Variants in FGD4 observed in about 807,000 individuals in gnomAD.
FGD4 encodes FYVE, RhoGEF and PH domain containing 4.
A neutral mutation model predicts 102.0 loss-of-function variants in FGD4; 42 were observed. That is an observed-to-expected ratio of 0.41 (90% confidence interval 0.32 to 0.53). The LOEUF (loss-of-function observed/expected upper bound fraction) is 0.53, where lower values mean the gene tolerates loss of function less well. FGD4 is among the 20% of genes least tolerant of loss of function. FGD4 has a pLI of 0.21. For synonymous variants in FGD4, 380 were observed against 375.7 expected (o/e 1.01, Z -0.13); for missense variants, 902 against 1,078.2 (o/e 0.84, Z 2.29).
At chr12:32,548,184 G>A (rs1043726673) in intron 1 of FGD4, among the ~76,000 whole-genome samples, 16 of 152,192 alleles carry the variant, frequency 1.1e-4, no homozygotes, top group Admixed American at 4.6e-4. Flanking sequence ...TTTTGAAAAC[G>A]ATTTTTTCCA....
chr12:32,615,899 A>T (rs1417333179), intron 10 of FGD4, among the ~76,000 whole-genome samples: 1 of 152,074 alleles, frequency 6.6e-6, no homozygotes, highest in Non-Finnish European at 1.5e-5. Flanking sequence ...TGTTTAATAC[A>T]GGGGGTGACT....
chr12:32,584,991 T>G (rs983042413), intron 4 of FGD4, among the ~76,000 whole-genome samples: 1 of 151,362 alleles, frequency 6.6e-6, no homozygotes, highest in East Asian at 2.0e-4. Flanking sequence ...AAGGCCGAGG[T>G]GGGTGGATTG....
At chr12:32,514,288 A>G (rs896685426) in intron 1 of FGD4, among the ~76,000 whole-genome samples, 4 of 152,210 alleles carry the variant, frequency 2.6e-5, no homozygotes, top group African/African-American at 9.6e-5. Flanking sequence ...AGAAATGGCC[A>G]TAAGATGTTG....
At position 32,640,161 on chromosome 12, in the gene FGD4, T is replaced by G. The variant is rs1951084455; in HGVS notation, c.2455-115T>G. 4.6e-6 allele frequency: 7 copies of G among 1,521,730 alleles called. No individual in the cohort carries two copies. In the Admixed American group the frequency reaches 1.0e-4, roughly 22 times the overall value. 94.3% of individuals were successfully genotyped at this position (1,521,730 alleles called of 1,614,324 possible). ...ATTGCCCTCTGTGCCCATGGAGAAC[T>G]CACCGTTTAAGTCTGTTTGGGACAG... On this transcript the variant is annotated intron_variant, in intron 16 of 16. Coordinates refer to ENST00000534526, the MANE Select transcript of FGD4 (RefSeq NM_001370298.3).
intron 1 of FGD4, among the ~76,000 whole-genome samples, chr12:32,531,061 C>T (rs1390522569): frequency 6.9e-6 from 1 of 145,104 alleles, no homozygotes. Context: ...AAGCGATTCT[C>T]CTGCCTCAGT....
intron 1 of FGD4, among the ~76,000 whole-genome samples, chr12:32,515,408 A>G (rs888426607): frequency 1.3e-5 from 2 of 152,228 alleles, no homozygotes; most frequent in African/African-American, 4.8e-5. Flanking sequence ...AGCCCAGCAG[A>G]TAGAATGTGC....
At chr12:32,420,714 T>C (rs1169307251) in intron 1 of FGD4, among the ~76,000 whole-genome samples, 1 of 152,084 alleles carries the variant, frequency 6.6e-6, no homozygotes, top group African/African-American at 2.4e-5. Flanking sequence ...GTCACCTCAA[T>C]TTCTTCACCA....
At chr12:32,500,795 C>T (rs1254951715) in intron 1 of FGD4, among the ~76,000 whole-genome samples, 1 of 152,128 alleles carries the variant, frequency 6.6e-6, no homozygotes, top group African/African-American at 2.4e-5. Flanking sequence ...ATTTGCATCA[C>T]CATTCTTCTA....
At chr12:32,536,110 A>T (rs1441276413) in intron 1 of FGD4, among the ~76,000 whole-genome samples, 4 of 152,022 alleles carry the variant, frequency 2.6e-5, no homozygotes, top group African/African-American at 9.7e-5. Context: ...ACCTGAAAAA[A>T]CTTCTCTTTC....
chr12:32,408,382 T>C (rs1941043953), intron 1 of FGD4, among the ~76,000 whole-genome samples: 1 of 152,086 alleles, frequency 6.6e-6, no homozygotes, highest in African/African-American at 2.4e-5. Flanking sequence ...TGGTCAGGCT[T>C]GTCTTAACTC....
chr12:32,510,721 A>G (rs1939273440), intron 1 of FGD4, among the ~76,000 whole-genome samples: 1 of 152,198 alleles, frequency 6.6e-6, no homozygotes, highest in Non-Finnish European at 1.5e-5. Flanking sequence ...CTGTTCAAGA[A>G]CTATTTTCCT....
At chr12:32,528,127 G>C (rs1941442510) in intron 1 of FGD4, among the ~76,000 whole-genome samples, 5 of 151,750 alleles carry the variant, frequency 3.3e-5, no homozygotes, top group Admixed American at 3.3e-4. Flanking sequence ...TTAGTAGAGA[G>C]GGTTTCACCA....
chr12:32,576,284 A>C lies in FGD4; in HGVS notation c.338A>C (p.His113Pro). The C allele has an allele frequency of 6.2e-7, 1 of 1,605,340 alleles. No individual in the cohort carries two copies. The highest frequency in any genetic ancestry group is 8.5e-7 in the Non-Finnish European group (1 of 1,174,978). Residue 113 changes from histidine (H) to proline (P), a missense_variant, in exon 3 of 17, where the codon CAC (histidine) becomes CCC (proline). His to Pro is a moderately conservative substitution (Grantham distance 77). Transcript: ENST00000534526. ...PKPQVPPKPL[H>P]LQNSPSSNIH... is the part of the protein sequence containing the mutation. Reference sequence around the variant, plus strand: ...TCTACAGTGCCTCCAAAGCCATTACACCTGCAGAATTCACCTTCGTCCAAT... The same window carrying C: ...TCTACAGTGCCTCCAAAGCCATTACCCCTGCAGAATTCACCTTCGTCCAAT...
intron 16 of FGD4, 55 bp from the exon 17 acceptor site, chr12:32,640,221 A>G: frequency 8.1e-6 from 13 of 1,613,646 alleles, no homozygotes; most frequent in Non-Finnish European, 1.1e-5. Flanking sequence ...AGCAAGGGAC[A>G]CACTTAACAA....
intron 1 of FGD4, among the ~76,000 whole-genome samples, chr12:32,513,567 A>G (rs1476910513): frequency 6.6e-6 from 1 of 152,178 alleles, no homozygotes; most frequent in Non-Finnish European, 1.5e-5. Flanking sequence ...TTTGATGAGG[A>G]GCAGATGGTA....
At chr12:32,477,680 A>T (rs1363297971) in intron 1 of FGD4, among the ~76,000 whole-genome samples, 1 of 152,236 alleles carries the variant, frequency 6.6e-6, no homozygotes, top group Non-Finnish European at 1.5e-5. Flanking sequence ...TACTAAGTGT[A>T]GAGAAAGAGT....
chr12:32,527,558 T>A (rs1941383182), intron 1 of FGD4, among the ~76,000 whole-genome samples: 1 of 152,092 alleles, frequency 6.6e-6, no homozygotes, highest in African/African-American at 2.4e-5. Context: ...GCCTCCCGAG[T>A]AGCTGGGACT....
intron 2 of FGD4, among the ~76,000 whole-genome samples, chr12:32,574,333 T>G (rs78721417): frequency 1.1e-4 from 8 of 69,790 alleles, no homozygotes; most frequent in Middle Eastern, 0.017. Context: ...CCTTAAGTGT[T>G]TTTTTTTTTT....
intron 1 of FGD4, among the ~76,000 whole-genome samples, chr12:32,563,677 C>T (rs937688262): frequency 4.5e-4 from 68 of 152,266 alleles, no homozygotes; most frequent in African/African-American, 1.6e-3. Context: ...TGTAGCGAGC[C>T]GCGATCACGC....
Sources: gnomAD v4.1 joint callset for allele counts (sites outside exome capture counted in the v4.1 genomes callset) on GRCh38, gnomAD v4.1.1 for gene constraint, MANE v1.5 for transcripts, NCBI Gene and HGNC (gene_info 2026-07-23, HGNC 2026-07-21) for gene names.